PCDHGC3: variants seen among roughly 807,000 people sequenced by gnomAD.
PCDHGC3 encodes the protein protocadherin gamma subfamily C, 3, also known as protocadherin gamma-C3.
PCDHGC3 carries 26 observed loss-of-function variants against 59.2 expected under a neutral mutation model. That is an observed-to-expected ratio of 0.44 (90% CI 0.32 to 0.61). The LOEUF is 0.61. Among genes scored for constraint, PCDHGC3 ranks in the 20% least tolerant of loss-of-function variants. The pLI, the probability that PCDHGC3 is intolerant of heterozygous loss-of-function variation, is 0.05. For synonymous variants in PCDHGC3, 487 were observed against 519.7 expected (o/e 0.94, Z 0.86); for missense variants, 1,080 against 1,221.8 (o/e 0.88, Z 1.73).
intron 3 of PCDHGC3, among the ~76,000 whole-genome samples, chr5:141,508,620 G>A (rs1017391751): frequency 2.0e-5 from 3 of 152,070 alleles, no homozygotes; most frequent in East Asian, 1.9e-4. Context: ...GACGTGGGTG[G>A]GCCGAGCTTC....
intron 1 of PCDHGC3, chr5:141,478,906 C>T: frequency 1.1e-6 from 1 of 906,534 alleles, no homozygotes; most frequent in Non-Finnish European, 1.6e-6. Context: ...GAATAAGCTG[C>T]TGGATACCTC....
chr5:141,478,104 C>T lies in PCDHGC3; in HGVS notation c.1988C>T (p.Thr663Ile), dbSNP rs1440105341. 6.2e-7 allele frequency: 1 copy of T among 1,614,118 alleles called. No individual in the cohort carries two copies. Among genetic ancestry groups the T allele is most frequent in the South Asian group, 1.1e-5 (1 of 91,090 alleles). ...TCGCTCTCCACCACTGCTACCCTCA[C>T]TGTGTCAGTAACCGAGGACTCTCCT... Reference protein sequence around the residue: ...EPSLSTTATLTVSVTEDSPEA... With the variant: ...EPSLSTTATLIVSVTEDSPEA... The change falls in exon 1 of 4, where the codon ACT becomes ATT. Residue 663 changes from threonine to isoleucine, a missense_variant. Transcript: ENST00000308177.
chr5:141,504,578 TGCCCAGGATTCACAGCAA>T (rs2099839274), intron 2 of PCDHGC3, among the ~76,000 whole-genome samples: 1 of 148,500 alleles, frequency 6.7e-6, no homozygotes, highest in African/African-American at 2.5e-5. Flanking sequence ...GAACACCATC[TGCCCAGGATTCACAGCAA>T]GAGGGAACTT....
At position 141,491,539 on chromosome 5, in the gene PCDHGC3, A is replaced by G; in HGVS notation, c.2431-3268A>G. ...GTACATGGAGGTGACGCTGCGGCCC[A>G]CAGACTCGCAGAGCCACTGCTACAG... On this transcript the variant is annotated intron_variant, in intron 1 of 3. Coordinates refer to ENST00000308177, the MANE Select transcript of PCDHGC3 (RefSeq NM_002588.4). This position sits in a 1 kb window ranked among gnomAD's most constrained non-coding sequence, Gnocchi z 6.9. The G allele has an allele frequency of 6.2e-7, 1 of 1,613,968 alleles. No homozygotes were observed. The highest frequency in any genetic ancestry group is 1.1e-5 in the South Asian group (1 of 91,074).
In PCDHGC3 at chr5:141,478,557, G is replaced by A. The variant is rs1316386006; in HGVS notation, c.2430+11G>A. On this transcript the variant is annotated intron_variant, in intron 1 of 3. Transcript: ENST00000308177. ...GCCCCTCCCGGACAGGTAAGGTTTA[G>A]CAAGTCATGCTTGACCCTGTTAGTG... 1.2e-6 allele frequency: 2 copies of A among 1,600,016 alleles called. No individual in the cohort carries two copies. Among genetic ancestry groups the A allele is most frequent in the Non-Finnish European group, 1.7e-6 (2 of 1,172,866 alleles).
In PCDHGC3 at chr5:141,477,787, C is replaced by A; in HGVS notation, c.1671C>A (p.Val557=). ...LATNISVNIF[V]TDRNDNAPQV... is the part of the protein sequence containing the mutation. The stretch of plus-strand genomic sequence containing the variant: ...CCAACATCAGCGTGAACATATTTGT[C>A]ACTGATCGCAATGACAATGCCCCCC... The change falls in exon 1 of 4, where the codon GTC becomes GTA. Residue 557 remains valine (V), a synonymous_variant. Transcript: ENST00000308177. The surrounding 1 kb of genome is among the most constrained non-coding windows in gnomAD (Gnocchi z 4.9). The A allele has an allele frequency of 6.2e-7, 1 of 1,614,092 alleles. No homozygotes were observed. The highest frequency in any genetic ancestry group is 8.5e-7 in the Non-Finnish European group (1 of 1,180,034).
At chr5:141,502,291 G>A (rs1346186675) in intron 2 of PCDHGC3, among the ~76,000 whole-genome samples, 1 of 151,370 alleles carries the variant, frequency 6.6e-6, no homozygotes, top group African/African-American at 2.5e-5. Context: ...GCATTTGGTT[G>A]TCACGTCTTT....
At chr5:141,506,084 C>T (rs1426222889) in intron 3 of PCDHGC3, among the ~76,000 whole-genome samples, 8 of 152,068 alleles carry the variant, frequency 5.3e-5, no homozygotes, top group African/African-American at 1.9e-4. Flanking sequence ...AATAGAGATT[C>T]GGCTAGTGGT....
At position 141,490,124 on chromosome 5, in the gene PCDHGC3, T is replaced by C. The variant is rs1216088470; in HGVS notation, c.2431-4683T>C. On this transcript the variant is annotated intron_variant, in intron 1 of 3. Transcript: ENST00000308177. The surrounding 1 kb of genome is among the most constrained non-coding windows in gnomAD (Gnocchi z 5.4). ...GAGGCAGTGCGGAACCTCTTTGGCCTAGACCCTAGCAGTGGGGCAATCCAT... is the reference window on the plus strand; with the variant it reads ...GAGGCAGTGCGGAACCTCTTTGGCCCAGACCCTAGCAGTGGGGCAATCCAT... 6.2e-7 allele frequency: 1 copy of C among 1,614,144 alleles called. No individual in the cohort carries two copies. Among genetic ancestry groups the C allele is most frequent in the Non-Finnish European group, 8.5e-7 (1 of 1,180,054 alleles).
chr5:141,505,486 G>A lies in PCDHGC3; in HGVS notation c.2578+5G>A, dbSNP rs1291166546. The A allele has an allele frequency of 1.8e-5, 29 of 1,614,088 alleles. No homozygotes were observed. The highest frequency in any genetic ancestry group is 2.1e-5 in the Non-Finnish European group (25 of 1,180,018). On this transcript the variant is annotated splice_donor_5th_base_variant and intron_variant, in intron 3 of 3. Transcript: ENST00000308177. ...TGATCTTGGCGTCCGCCAGTGGTAA[G>A]TGGTGTCAGTGTGTGTATGGAAGAG...
intron 1 of PCDHGC3, 167 bp downstream of exon 1, chr5:141,478,713 G>A (rs745990290): frequency 1.9e-6 from 3 of 1,546,642 alleles, no homozygotes; most frequent in African/African-American, 2.7e-5. Context: ...TTGTGAGATG[G>A]TGGCCTGCCA....
intron 3 of PCDHGC3, among the ~76,000 whole-genome samples, chr5:141,506,190 C>T (rs1313145580): frequency 6.6e-6 from 1 of 152,180 alleles, no homozygotes; most frequent in Non-Finnish European, 1.5e-5. Flanking sequence ...GTGGCTCACG[C>T]CTGTAATCCC....
chr5:141,489,380 A>T lies in PCDHGC3; in HGVS notation c.2431-5427A>T, dbSNP rs753226956. 1 of 1,613,874 alleles carries T rather than the reference A, an allele frequency of 6.2e-7. No homozygotes were observed. The highest frequency in any genetic ancestry group is 2.2e-5 in the East Asian group (1 of 44,872). On this transcript the variant is annotated intron_variant, in intron 1 of 3. Transcript: ENST00000308177. The surrounding 1 kb of genome is among the most constrained non-coding windows in gnomAD (Gnocchi z 4.5). ...TCTGAGCCGGGGACGCTGGTGGGGA[A>T]TGTTGCTCAGGATCTGGGCTTAAAG... is the stretch of plus-strand genomic sequence containing the variant.
intron 1 of PCDHGC3, chr5:141,478,942 C>G: frequency 1.7e-6 from 1 of 579,218 alleles, no homozygotes; most frequent in Non-Finnish European, 2.9e-6. Context: ...TCTAGGAATA[C>G]AAAAACTACC....
At position 141,489,074 on chromosome 5, in the gene PCDHGC3, C is replaced by A; in HGVS notation, c.2431-5733C>A. On this transcript the variant is annotated intron_variant, in intron 1 of 3. Coordinates refer to ENST00000308177, the MANE Select transcript of PCDHGC3 (RefSeq NM_002588.4). The surrounding 1 kb of genome is among the most constrained non-coding windows in gnomAD (Gnocchi z 4.5). ...TTCAGCTCCCCTCCCCCCTGCCCAC[C>A]CCCGCCACTCGGTGACTAAGAACTG... 9.4e-6 allele frequency: 3 copies of A among 320,798 alleles called. No individual in the cohort carries two copies. The highest frequency in any genetic ancestry group is 1.7e-5 in the Non-Finnish European group (3 of 177,744). 19.9% of individuals were successfully genotyped at this position (320,798 alleles called of 1,614,324 possible). A position where few individuals can be genotyped will look rare whatever the true frequency, so the allele number is the denominator to read the frequency against.
At chr5:141,495,071 C>A (rs1391869079) in intron 2 of PCDHGC3, among the ~76,000 whole-genome samples, 1 of 152,160 alleles carries the variant, frequency 6.6e-6, no homozygotes, top group Non-Finnish European at 1.5e-5. Flanking sequence ...AAGCTCAATT[C>A]ACATGCTTGC....
Position 141,486,690 on chromosome 5 carries a change from C to G in PCDHGC3, c.2431-8117C>G. ...AGGAATCGAGATGTATCAGCTTCCTCTTTCATCTCTCTGAACCCCCAGACA... is the reference window on the plus strand; with the variant it reads ...AGGAATCGAGATGTATCAGCTTCCTGTTTCATCTCTCTGAACCCCCAGACA... On this transcript the variant is annotated intron_variant, in intron 1 of 3. Coordinates refer to ENST00000308177, the MANE Select transcript of PCDHGC3 (RefSeq NM_002588.4). The surrounding 1 kb of genome is among the most constrained non-coding windows in gnomAD (Gnocchi z 5.0). 3 of 1,614,144 alleles carry G rather than the reference C, an allele frequency of 1.9e-6. No individual in the cohort carries two copies. The highest frequency in any genetic ancestry group is 2.5e-6 in the Non-Finnish European group (3 of 1,180,036).
At chr5:141,510,799 C>G in intron 3 of PCDHGC3, 148 bp from the exon 4 acceptor site, 1 of 1,481,460 alleles carries the variant, frequency 6.8e-7, no homozygotes. Context: ...TGAAGAGAGA[C>G]TACCTTGGTG....
rs147522770 is a variant in PCDHGC3, at chr5:141,504,573, C to T, written c.2490-820C>T. On this transcript the variant is annotated intron_variant, in intron 2 of 3. Coordinates refer to ENST00000308177, the MANE Select transcript of PCDHGC3 (RefSeq NM_002588.4). ...TGGGGGACTGGCATTCTAGGGAACA[C>T]CATCTGCCCAGGATTCACAGCAAGA... Among the ~76,000 whole-genome samples the T allele has an allele frequency of 5.4e-5, 8 of 148,158 alleles. No individual in the cohort carries two copies. In the East Asian group the frequency reaches 1.6e-3, roughly 30 times the overall value.
Sources: allele counts gnomAD v4.1 joint callset (sites outside exome capture counted in the v4.1 genomes callset), GRCh38; gene constraint gnomAD v4.1.1; non-coding constraint Gnocchi (gnomAD v3.1); transcripts MANE v1.5; gene names NCBI Gene and HGNC (gene_info 2026-07-23, HGNC 2026-07-21).